Variants in BCKDHB observed in about 807,000 individuals in gnomAD.
The protein encoded by BCKDHB is 2-oxoisovalerate dehydrogenase subunit beta, mitochondrial.
In BCKDHB, 41 loss-of-function variants were observed where a neutral mutation model predicts 48.5. That is an observed-to-expected ratio of 0.85 (90% CI 0.66 to 1.10). The LOEUF (loss-of-function observed/expected upper bound fraction) is 1.10. Among genes scored for constraint, BCKDHB ranks in the 50% least tolerant of loss-of-function variants. The probability of loss-of-function intolerance (pLI) is 0.00; values close to 1 mark genes in which losing one functional copy is unlikely to be tolerated. For missense variants in BCKDHB, 496 were observed against 494.2 expected (o/e 1.00, Z -0.03); for synonymous variants, 201 against 174.8 (o/e 1.15, Z -1.18).
chr6:80,388,051 C>T, the BCKDHB span, among the ~76,000 whole-genome samples: 1 of 152,188 alleles, frequency 6.6e-6, no homozygotes, highest in Admixed American at 6.5e-5. Context: ...CTGCATTAGG[C>T]CCCTCTTACA....
At chr6:80,266,112 T>C (rs3805903) in intron 8 of BCKDHB, among the ~76,000 whole-genome samples, 75,370 of 151,914 alleles carry the variant, frequency 0.5, 19,171 homozygotes, top group East Asian at 0.69. Context: ...AACTTGGCTT[T>C]GTAGTAGACC....
intron 8 of BCKDHB, among the ~76,000 whole-genome samples, chr6:80,221,148 C>T (rs560059177): frequency 6.6e-6 from 1 of 152,006 alleles, no homozygotes; most frequent in South Asian, 2.1e-4. Context: ...AATTCTTATA[C>T]TCACCTCTCT....
intron 9 of BCKDHB, among the ~76,000 whole-genome samples, chr6:80,315,540 C>T (rs1768400741): frequency 6.6e-6 from 1 of 151,796 alleles, no homozygotes; most frequent in South Asian, 2.1e-4. Context: ...TTGTTGCTCT[C>T]TGTGAGTGCC....
intron 8 of BCKDHB, among the ~76,000 whole-genome samples, chr6:80,221,152 C>T (rs1025531339): frequency 1.3e-5 from 2 of 152,126 alleles, no homozygotes; most frequent in Non-Finnish European, 2.9e-5. Context: ...CTTATACTCA[C>T]CTCTCTACCT....
chr6:80,376,914 G>A, the BCKDHB span, among the ~76,000 whole-genome samples: 2 of 152,050 alleles, frequency 1.3e-5, no homozygotes, highest in African/African-American at 2.4e-5. Flanking sequence ...TCAATATTGA[G>A]TTGTAGTTCT....
intron 3 of BCKDHB, among the ~76,000 whole-genome samples, chr6:80,130,098 G>A (rs9294171): frequency 0.37 from 55,831 of 152,022 alleles, 12,262 homozygotes; most frequent in Admixed American, 0.56. Flanking sequence ...TAATCAGAAT[G>A]CATTTTGGTC....
chr6:80,111,631 C>A (rs1769414092), intron 1 of BCKDHB, among the ~76,000 whole-genome samples: 1 of 152,068 alleles, frequency 6.6e-6, no homozygotes, highest in African/African-American at 2.4e-5. Flanking sequence ...CCTAGGAATT[C>A]CAAATAAATA....
intron 3 of BCKDHB, among the ~76,000 whole-genome samples, chr6:80,164,209 C>T (rs376925568): frequency 6.6e-6 from 1 of 152,258 alleles, no homozygotes; most frequent in South Asian, 2.1e-4. Context: ...CTACCCATTC[C>T]ATCCTGTAAC....
intron 8 of BCKDHB, among the ~76,000 whole-genome samples, chr6:80,243,538 C>A (rs9361591): frequency 0.36 from 54,888 of 151,604 alleles, 11,817 homozygotes; most frequent in East Asian, 0.55. Context: ...ATATCTCTCT[C>A]TCTATATTTT....
intron 9 of BCKDHB, among the ~76,000 whole-genome samples, chr6:80,313,854 G>A (rs114706132): frequency 1.3e-5 from 2 of 152,212 alleles, no homozygotes; most frequent in African/African-American, 4.8e-5. Flanking sequence ...TAGTTCTTGT[G>A]ATGTTAGCTT....
intron 9 of BCKDHB, among the ~76,000 whole-genome samples, chr6:80,304,028 G>A (rs1429612015): frequency 2.6e-5 from 4 of 152,040 alleles, no homozygotes; most frequent in African/African-American, 9.7e-5. Context: ...AAAGAAATAG[G>A]GTTTAGGAAA....
At chr6:80,343,248 A>G (rs1770013504) in intron 9 of BCKDHB, among the ~76,000 whole-genome samples, 1 of 152,256 alleles carries the variant, frequency 6.6e-6, no homozygotes, top group Non-Finnish European at 1.5e-5. Context: ...ACAAACATTT[A>G]TTATGAAAGT....
chr6:80,322,824 CTTGCTGTTT>C (rs934941675), intron 9 of BCKDHB, among the ~76,000 whole-genome samples: 6 of 150,754 alleles, frequency 4.0e-5, no homozygotes, highest in Admixed American at 1.3e-4. Flanking sequence ...GCATTCTGTT[CTTGCTGTTT>C]TATAATTACC....
chr6:80,460,641 T>C, the BCKDHB span, among the ~76,000 whole-genome samples: 11 of 152,140 alleles, frequency 7.2e-5, no homozygotes, highest in Admixed American at 6.6e-4. Flanking sequence ...GACTTAGTGG[T>C]ATATTTCAGT....
chr6:80,272,894 C>A (rs1359039201), intron 8 of BCKDHB, among the ~76,000 whole-genome samples: 3 of 152,014 alleles, frequency 2.0e-5, no homozygotes, highest in East Asian at 3.9e-4. Context: ...TATGGAATTA[C>A]AAATCTCATT....
intron 1 of BCKDHB, among the ~76,000 whole-genome samples, chr6:80,108,894 C>T (rs1769271986): frequency 1.3e-5 from 2 of 152,096 alleles, no homozygotes; most frequent in African/African-American, 4.8e-5. Flanking sequence ...CAAAAATCAC[C>T]ACCCACTGCA....
chr6:80,179,996 C>G (rs779412734), intron 6 of BCKDHB, among the ~76,000 whole-genome samples: 2 of 152,186 alleles, frequency 1.3e-5, no homozygotes, highest in Non-Finnish European at 2.9e-5. Flanking sequence ...GGCCTGATCT[C>G]TCTGACTCCA....
At chr6:80,248,132 T>C (rs1776689277) in intron 8 of BCKDHB, among the ~76,000 whole-genome samples, 1 of 152,252 alleles carries the variant, frequency 6.6e-6, no homozygotes, top group Non-Finnish European at 1.5e-5. Flanking sequence ...TTTCCTGCTC[T>C]CTTTTCAATG....
At chr6:80,374,527 A>C in the BCKDHB span, 1 of 726,584 alleles carries the variant, frequency 1.4e-6, no homozygotes, top group Non-Finnish European at 2.6e-6. Flanking sequence ...CTTGATTTGC[A>C]TGATTTTGTG....
Sources: allele counts gnomAD v4.1 joint callset (sites outside exome capture counted in the v4.1 genomes callset), GRCh38; gene constraint gnomAD v4.1.1; transcripts MANE v1.5; gene names NCBI Gene and HGNC (gene_info 2026-07-23, HGNC 2026-07-21).